CHD3: variants seen among roughly 807,000 people sequenced by gnomAD.
The protein encoded by CHD3 is chromodomain helicase DNA binding protein 3, also known as ATP-dependent chromatin remodeler CHD3.
A neutral mutation model predicts 248.9 loss-of-function variants in CHD3; 52 were observed. The ratio of observed to expected loss-of-function variants is 0.21; its 90% CI spans 0.17 to 0.26. The LOEUF is 0.26. Ranked by LOEUF, CHD3 falls within the 10% of genes least tolerant of loss-of-function variation. The probability of loss-of-function intolerance (pLI) is 1.00; values close to 1 mark genes in which losing one functional copy is unlikely to be tolerated. For missense variants in CHD3, 1,482 were observed against 2,605.8 expected, an observed-to-expected ratio of 0.57 and a Z score of 9.39; for synonymous variants, 985 against 985.2, an observed-to-expected ratio of 1.00 and a Z score of 0.00.
rs769804151 is a variant in CHD3, at chr17:7,908,451, G to A, written c.5202G>A (p.Gly1734=). ...QNEERAAISS[G]KLNEIWHRRH... Reference sequence around the variant, plus strand: ...AGGAACGGGCAGCTATTTCCTCGGGGAAACTCAATGAGATCTGGCACAGAA... The same window carrying A: ...AGGAACGGGCAGCTATTTCCTCGGGAAAACTCAATGAGATCTGGCACAGAA... The change falls in exon 35 of 40, where the codon GGG becomes GGA. Residue 1734 remains glycine, a synonymous_variant. Transcript: ENST00000330494. This position sits in a 1 kb window ranked among gnomAD's most constrained non-coding sequence, Gnocchi z 5.8. 6.2e-6 allele frequency: 10 copies of A among 1,613,702 alleles called. No homozygotes were observed. In the Admixed American group the frequency reaches 6.7e-5, roughly 11 times the overall value.
In CHD3 at chr17:7,903,186, C is replaced by T; in HGVS notation, c.3496-86C>T. The T allele has an allele frequency of 2.6e-6, 4 of 1,564,914 alleles. No homozygotes were observed. The South Asian group carries it at 4.5e-5, about 18-fold the overall frequency. ...GGGAGGAGAGAAGGCCCTTCTTCAGCAGCCTTCTTTCCTGAGGCAGCTCTA... is the reference window on the plus strand; with the variant it reads ...GGGAGGAGAGAAGGCCCTTCTTCAGTAGCCTTCTTTCCTGAGGCAGCTCTA... On this transcript the variant is annotated intron_variant, in intron 22 of 39. Transcript: ENST00000330494. This position sits in a 1 kb window ranked among gnomAD's most constrained non-coding sequence, Gnocchi z 6.8.
intron 8 of CHD3, 150 bp downstream of exon 8, chr17:7,894,758 C>A: frequency 7.4e-7 from 1 of 1,359,516 alleles, no homozygotes; most frequent in Non-Finnish European, 1.0e-6. Context: ...ATTCCTTTCT[C>A]CCACAATCAA....
chr17:7,906,146 C>A lies in CHD3; in HGVS notation c.4358+157C>A. On this transcript the variant is annotated intron_variant, in intron 28 of 39. Coordinates refer to ENST00000330494, the MANE Select transcript of CHD3 (RefSeq NM_001005273.3). This position sits in a 1 kb window ranked among gnomAD's most constrained non-coding sequence, Gnocchi z 5.0. ...CTGGCTCGATTTCCTGGGGGGTGGTCTCAGCCCACTCCACCTCCCCTCAGC... is the reference window on the plus strand; with the variant it reads ...CTGGCTCGATTTCCTGGGGGGTGGTATCAGCCCACTCCACCTCCCCTCAGC... 8.8e-7 allele frequency: 1 copy of A among 1,137,690 alleles called. No individual in the cohort carries two copies. The highest frequency in any genetic ancestry group is 1.3e-6 in the Non-Finnish European group (1 of 759,290). The allele number at this position is 1,137,690 out of a possible 1,614,324, so 70.5% of individuals were successfully genotyped here.
In CHD3 at chr17:7,906,128, G is replaced by T. The variant is rs777210278; in HGVS notation, c.4358+139G>T. ...CCTGTCATACAATACTTCCTGGCTC[G>T]ATTTCCTGGGGGGTGGTCTCAGCCC... On this transcript the variant is annotated intron_variant, in intron 28 of 39. Transcript: ENST00000330494. This position sits in a 1 kb window ranked among gnomAD's most constrained non-coding sequence, Gnocchi z 5.0. 3.7e-6 allele frequency: 5 copies of T among 1,334,744 alleles called. No homozygotes were observed. The Admixed American group carries it at 6.7e-5, about 18-fold the overall frequency. 82.7% of individuals were successfully genotyped at this position (1,334,744 alleles called of 1,614,324 possible).
upstream of CHD3, among the ~76,000 whole-genome samples, chr17:7,885,413 GGGA>G (rs1007047520): frequency 5.4e-5 from 8 of 149,532 alleles, no homozygotes; most frequent in African/African-American, 1.5e-4. Flanking sequence ...CGGCTTTCGG[GGGA>G]GGAGGAGGAG....
chr17:7,906,094 A>G lies in CHD3; in HGVS notation c.4358+105A>G, dbSNP rs758049528. On this transcript the variant is annotated intron_variant, in intron 28 of 39. Coordinates refer to ENST00000330494, the MANE Select transcript of CHD3 (RefSeq NM_001005273.3). The surrounding 1 kb of genome is among the most constrained non-coding windows in gnomAD (Gnocchi z 5.0). ...ATGATGTGACCTTACTCAACTGATT[A>G]TCACCCTCCCTGTCATACAATACTT... is the stretch of plus-strand genomic sequence containing the variant. The G allele has an allele frequency of 6.1e-6, 9 of 1,481,458 alleles. No homozygotes were observed. The highest frequency in any genetic ancestry group is 1.7e-5 in the Admixed American group (1 of 59,736). The allele number at this position is 1,481,458 out of a possible 1,614,324, so 91.8% of individuals were successfully genotyped here. A position where few individuals can be genotyped will look rare whatever the true frequency, so the allele number is the denominator to read the frequency against.
In CHD3 at chr17:7,910,168, C is replaced by G; in HGVS notation, c.5591-260C>G. On this transcript the variant is annotated intron_variant, in intron 37 of 39. Coordinates refer to ENST00000330494, the MANE Select transcript of CHD3 (RefSeq NM_001005273.3). This position sits in a 1 kb window ranked among gnomAD's most constrained non-coding sequence, Gnocchi z 4.7. ...TTTCCTCCATGCTCCCTTTTTCTTT[C>G]TTCTTTCTCTCCATCTGTCTTCTGT... The G allele has an allele frequency of 3.0e-6, 1 of 333,142 alleles. No homozygotes were observed. Among genetic ancestry groups the G allele is most frequent in the Non-Finnish European group, 5.6e-6 (1 of 177,826 alleles). 20.6% of individuals were successfully genotyped at this position (333,142 alleles called of 1,614,324 possible).
rs369686403 is a variant in CHD3 at position 7,899,186 on chromosome 17, A to G, written c.2327A>G (p.Tyr776Cys). ...GKTIQTIVFL[Y>C]SLYKEGHTKG... ...ACCATACAAACCATCGTCTTCCTCT[A>G]CTCACTCTACAAGGAGGTGCTGGAT... The change falls in exon 14 of 40, where the codon TAC becomes TGC. Residue 776 changes from tyrosine to cysteine, a missense_variant. Physicochemically the swap from Tyr to Cys is radical, Grantham distance 194. This residue lies in a region of CHD3 where 18 missense variants were observed against 88.8 expected (regional missense o/e 0.20). Transcript: ENST00000330494. This position sits in a 1 kb window ranked among gnomAD's most constrained non-coding sequence, Gnocchi z 6.8. 395 of 1,613,544 alleles carry G rather than the reference A, an allele frequency of 2.4e-4. No individual in the cohort carries two copies. Among genetic ancestry groups the G allele is most frequent in the Non-Finnish European group, 3.2e-4 (380 of 1,179,790 alleles).
In CHD3 at chr17:7,889,523, T is replaced by C. The variant is rs1211247722; in HGVS notation, c.101-141T>C. 1.9e-5 allele frequency: 13 copies of C among 679,748 alleles called. No individual in the cohort carries two copies. In the East Asian group the frequency reaches 3.3e-4, roughly 17 times the overall value. 42.1% of individuals were successfully genotyped at this position (679,748 alleles called of 1,614,324 possible). On this transcript the variant is annotated intron_variant, in intron 1 of 39. Coordinates refer to ENST00000330494, the MANE Select transcript of CHD3 (RefSeq NM_001005273.3). This position sits in a 1 kb window ranked among gnomAD's most constrained non-coding sequence, Gnocchi z 4.5. ...GTACTCGAAACACTTTCTGTTTGCATCCAGTGAAGGGAGGCAGGGCTTGGA... is the reference window on the plus strand; with the variant it reads ...GTACTCGAAACACTTTCTGTTTGCACCCAGTGAAGGGAGGCAGGGCTTGGA...
chr17:7,908,770 G>C lies in CHD3; in HGVS notation c.5335G>C (p.Glu1779Gln), dbSNP rs200555446. The C allele has an allele frequency of 4.3e-6, 7 of 1,614,146 alleles. No homozygotes were observed. Among genetic ancestry groups the C allele is most frequent in the Non-Finnish European group, 5.9e-6 (7 of 1,180,018 alleles). The change falls in exon 36 of 40, where the codon GAA becomes CAA. Residue 1779 changes from glutamate to glutamine, a missense_variant. This residue lies in a region of CHD3 where 27 missense variants were observed against 23.5 expected (regional missense o/e 1.15). Coordinates refer to ENST00000330494, the MANE Select transcript of CHD3 (RefSeq NM_001005273.3). This position sits in a 1 kb window ranked among gnomAD's most constrained non-coding sequence, Gnocchi z 5.8. The stretch of plus-strand genomic sequence containing the variant: ...CATTATCAACGAGCCATTTAAAACT[G>C]AAGCCAATAAGGGGAACTTTCTGGA... ...FAIINEPFKT[E>Q]ANKGNFLEMK...
In CHD3 at chr17:7,910,978, G is replaced by C; in HGVS notation, c.5881+5G>C. On this transcript the variant is annotated splice_donor_5th_base_variant and intron_variant, in intron 39 of 39. Transcript: ENST00000330494. The surrounding 1 kb of genome is among the most constrained non-coding windows in gnomAD (Gnocchi z 4.7). ...CTGCAGGGTCCTTCATCACAGGTCA[G>C]CTGGTGTTTTCCTACCCCCTGCTAC... 1.9e-6 allele frequency: 3 copies of C among 1,612,166 alleles called. No homozygotes were observed. Among genetic ancestry groups the C allele is most frequent in the Non-Finnish European group, 2.5e-6 (3 of 1,179,384 alleles).
At chr17:7,891,290 A>ATT (rs1456805566) in intron 4 of CHD3, among the ~76,000 whole-genome samples, 2 of 152,216 alleles carry the variant, frequency 1.3e-5, no homozygotes, top group African/African-American at 4.8e-5. Context: ...GGCCATCATG[A>ATT]TTCCAGTGCT....
chr17:7,900,778 G>A lies in CHD3; in HGVS notation c.2978+47G>A. On this transcript the variant is annotated intron_variant, in intron 18 of 39. Transcript: ENST00000330494. This position sits in a 1 kb window ranked among gnomAD's most constrained non-coding sequence, Gnocchi z 6.5. ...CTGGAGTAGGGCTTGGGGATTGATGGGAGCGTTCCAAGTGCAATATCATAA... is the reference window on the plus strand; with the variant it reads ...CTGGAGTAGGGCTTGGGGATTGATGAGAGCGTTCCAAGTGCAATATCATAA... The A allele has an allele frequency of 6.2e-7, 1 of 1,609,936 alleles. No individual in the cohort carries two copies. Among genetic ancestry groups the A allele is most frequent in the Non-Finnish European group, 8.5e-7 (1 of 1,176,664 alleles).
Position 7,899,604 on chromosome 17 carries a change from C to A in CHD3, c.2544+61C>A. On this transcript the variant is annotated intron_variant, in intron 15 of 39. Coordinates refer to ENST00000330494, the MANE Select transcript of CHD3 (RefSeq NM_001005273.3). This position sits in a 1 kb window ranked among gnomAD's most constrained non-coding sequence, Gnocchi z 6.8. ...AAAGCTGTCACTTCTTTTTCTCAGC[C>A]AGGAATTCAGTTTCTCTATTCCCCT... 6.5e-7 allele frequency: 1 copy of A among 1,532,314 alleles called. No homozygotes were observed. The highest frequency in any genetic ancestry group is 2.3e-5 in the East Asian group (1 of 44,244). 94.9% of individuals were successfully genotyped at this position (1,532,314 alleles called of 1,614,324 possible).
rs1055848611 is a variant in CHD3 at position 7,911,425 on chromosome 17, A to G, written c.5882-39A>G. 3.1e-6 allele frequency: 5 copies of G among 1,613,894 alleles called. No homozygotes were observed. The highest frequency in any genetic ancestry group is 2.5e-6 in the Non-Finnish European group (3 of 1,179,866). ...TGTCATGAAGTGACGTTTGAGAGTG[A>G]TCTGGAGATTGATCTTTCCTTACCC... On this transcript the variant is annotated intron_variant, in intron 39 of 39. Transcript: ENST00000330494. This position sits in a 1 kb window ranked among gnomAD's most constrained non-coding sequence, Gnocchi z 5.4.
chr17:7,893,728 A>ATTAT (rs1969223559), intron 5 of CHD3, 77 bp from the exon 6 acceptor site: 15 of 1,562,630 alleles, frequency 9.6e-6, no homozygotes, highest in South Asian at 3.6e-5. Flanking sequence ...AGGAATCCAG[A>ATTAT]GGCCCCTGTG....
Position 7,895,944 on chromosome 17 carries a change from G to C in CHD3, c.1707+402G>C, listed in dbSNP as rs996377052. Among the ~76,000 whole-genome samples the C allele has an allele frequency of 6.6e-6, 1 of 151,984 alleles. No homozygotes were observed. Among genetic ancestry groups the C allele is most frequent in the African/African-American group, 2.4e-5 (1 of 41,384 alleles). On this transcript the variant is annotated intron_variant, in intron 10 of 39. Coordinates refer to ENST00000330494, the MANE Select transcript of CHD3 (RefSeq NM_001005273.3). The surrounding 1 kb of genome is among the most constrained non-coding windows in gnomAD (Gnocchi z 4.9). ...CATCTCTGTTTAAAAAAAAATTCTCGGCTGGGTGTGGTGGCTCACGCCTGT... is the reference window on the plus strand; with the variant it reads ...CATCTCTGTTTAAAAAAAAATTCTCCGCTGGGTGTGGTGGCTCACGCCTGT...
chr17:7,899,777 T>C lies in CHD3; in HGVS notation c.2545-119T>C. Reference sequence around the variant, plus strand: ...AGGAGCCATGGTCTGTAATCCCTGCTTGGAGAACAGAGTAATGGCTCCTGT... The same window carrying C: ...AGGAGCCATGGTCTGTAATCCCTGCCTGGAGAACAGAGTAATGGCTCCTGT... On this transcript the variant is annotated intron_variant, in intron 15 of 39. Coordinates refer to ENST00000330494, the MANE Select transcript of CHD3 (RefSeq NM_001005273.3). This position sits in a 1 kb window ranked among gnomAD's most constrained non-coding sequence, Gnocchi z 6.8. The C allele has an allele frequency of 7.6e-7, 1 of 1,313,116 alleles. No homozygotes were observed. Among genetic ancestry groups the C allele is most frequent in the South Asian group, 1.4e-5 (1 of 72,926 alleles). 81.3% of individuals were successfully genotyped at this position (1,313,116 alleles called of 1,614,324 possible). A position where few individuals can be genotyped will look rare whatever the true frequency, so the allele number is the denominator to read the frequency against.
At chr17:7,892,602 T>C (rs935382397) in intron 4 of CHD3, among the ~76,000 whole-genome samples, 6 of 150,148 alleles carry the variant, frequency 4.0e-5, no homozygotes, top group Admixed American at 2.7e-4. Flanking sequence ...GTTCAAGCAA[T>C]TTTTCTGCCT....
Sources: gnomAD v4.1 joint callset for allele counts (sites outside exome capture counted in the v4.1 genomes callset) on GRCh38, gnomAD v4.1.1 for gene constraint, gnomAD v4.1.1 regional missense constraint, Gnocchi (gnomAD v3.1) non-coding constraint, MANE v1.5 for transcripts, NCBI Gene and HGNC (gene_info 2026-07-23, HGNC 2026-07-21) for gene names.